The following MMS19 variants were observed in gnomAD, a reference collection of about 807,000 sequenced individuals.
MMS19 encodes the protein MMS19 nucleotide excision repair protein homolog.
Under a neutral mutation model 129.8 loss-of-function variants are expected in MMS19, and 77 were observed. That is an observed-to-expected ratio of 0.59 (90% CI 0.49 to 0.72). MMS19 has a LOEUF of 0.72. Ranked by LOEUF, MMS19 falls within the 30% of genes least tolerant of loss-of-function variation. The probability of loss-of-function intolerance (pLI) is 0.00; values close to 1 mark genes in which losing one functional copy is unlikely to be tolerated. For synonymous variants in MMS19, 491 were observed against 502.8 expected, an observed-to-expected ratio of 0.98 and a Z score of 0.31; for missense variants, 1,168 against 1,266.3, an observed-to-expected ratio of 0.92 and a Z score of 1.18.
intron 2 of MMS19, among the ~76,000 whole-genome samples, chr10:97,482,735 T>TACACACACACACAC (rs1442208641): frequency 7.3e-6 from 1 of 137,864 alleles, no homozygotes; most frequent in African/African-American, 2.7e-5. Flanking sequence ...TGTGTATATA[T>TACACACACACACAC]ATACACACAC....
At chr10:97,483,989 G>A (rs1297974494) in intron 2 of MMS19, 114 bp downstream of exon 2, 2 of 679,268 alleles carry the variant, frequency 2.9e-6, no homozygotes, top group Non-Finnish European at 5.2e-6. Flanking sequence ...ATGGAAGGGG[G>A]CTGCTGGGCT....
At chr10:97,460,613 G>A in intron 25 of MMS19, 82 bp downstream of exon 25, 3 of 1,137,748 alleles carry the variant, frequency 2.6e-6, no homozygotes, top group South Asian at 1.3e-5. Flanking sequence ...ACACAGGGGA[G>A]GATGGAAGTC....
intron 8 of MMS19, among the ~76,000 whole-genome samples, chr10:97,471,390 GA>G (rs769302989): frequency 6.6e-6 from 1 of 151,988 alleles, no homozygotes; most frequent in Non-Finnish European, 1.5e-5. Flanking sequence ...CTGTAATTCT[GA>G]AAACAGAAAG....
rs751461315 is a variant in MMS19 at position 97,462,677 on chromosome 10, CCTT to C, written c.1915_1917del (p.Lys639del). 2 of 1,612,894 alleles carry C rather than the reference CCTT, an allele frequency of 1.2e-6. No homozygotes were observed. Among genetic ancestry groups the C allele is most frequent in the East Asian group, 2.2e-5 (1 of 44,878 alleles). On this transcript the variant is annotated inframe_deletion and splice_region_variant, in exon 20 of 31. Coordinates refer to ENST00000438925, the MANE Select transcript of MMS19 (RefSeq NM_022362.5). ...AGTACTTTTCTCAGAACTGAGGGCT[CCTT>C]CTCTGCAAAACACACACACATGCAC...
At chr10:97,498,523 A>G, upstream of MMS19, 1 of 1,247,338 alleles carries the variant, frequency 8.0e-7, no homozygotes, top group Non-Finnish European at 1.1e-6. Flanking sequence ...GCTTCTGCCT[A>G]GGCAGTTCCA....
intron 8 of MMS19, among the ~76,000 whole-genome samples, chr10:97,471,748 T>C (rs1368922734): frequency 6.6e-6 from 1 of 152,204 alleles, no homozygotes; most frequent in East Asian, 1.9e-4. Context: ...TGACCTCGAA[T>C]GATCCACCCA....
At chr10:97,492,499 G>C (rs186633148) in intron 1 of MMS19, among the ~76,000 whole-genome samples, 1 of 150,688 alleles carries the variant, frequency 6.6e-6, no homozygotes, top group East Asian at 2.0e-4. Flanking sequence ...AGAAAAGAAA[G>C]AAAAAATTAG....
At chr10:97,462,199 T>C (rs1397383101) in intron 20 of MMS19, 80 bp from the exon 21 acceptor site, 3 of 1,016,114 alleles carry the variant, frequency 3.0e-6, no homozygotes, top group South Asian at 2.8e-5. Context: ...CTTTTCAACC[T>C]AGGGTTTGAA....
intron 16 of MMS19, 22 bp from the exon 17 acceptor site, chr10:97,466,181 G>T: frequency 1.3e-6 from 2 of 1,544,974 alleles, no homozygotes; most frequent in South Asian, 1.2e-5. Context: ...GAGCAGATAA[G>T]CATTGGCTGA....
At chr10:97,461,341 CT>C (rs2031843079) in intron 23 of MMS19, 154 bp downstream of exon 23, 2 of 913,364 alleles carry the variant, frequency 2.2e-6, no homozygotes, top group East Asian at 2.7e-5. Flanking sequence ...GGTCTTGACG[CT>C]TTTCCCACGG....
At chr10:97,488,674 A>G (rs1362562573) in intron 1 of MMS19, among the ~76,000 whole-genome samples, 1 of 152,252 alleles carries the variant, frequency 6.6e-6, no homozygotes, top group African/African-American at 2.4e-5. Context: ...GAATAATGAC[A>G]GGAAAAAAGT....
Position 97,468,420 on chromosome 10 carries a change from A to C in MMS19, c.1064-14T>G. The C allele has an allele frequency of 6.3e-7, 1 of 1,591,174 alleles. No individual in the cohort carries two copies. The highest frequency in any genetic ancestry group is 8.6e-7 in the Non-Finnish European group (1 of 1,164,582). On this transcript the variant is annotated splice_polypyrimidine_tract_variant and intron_variant, in intron 12 of 30. Transcript: ENST00000438925. The stretch of plus-strand genomic sequence containing the variant: ...GGTGCCTGCAGTCTAGAGAAGCAGC[A>C]CATCACAGAGCTGGGGAGGAGGCCA...
intron 1 of MMS19, among the ~76,000 whole-genome samples, chr10:97,496,512 A>C (rs1481247119): frequency 3.0e-5 from 1 of 33,428 alleles, no homozygotes; most frequent in African/African-American, 1.5e-4. Flanking sequence ...ACCTTGTCTC[A>C]AAAAAAAAAA....
Position 97,465,949 on chromosome 10 carries a change from A to G in MMS19, c.1612T>C (p.Ser538Pro). 1.2e-6 allele frequency: 2 copies of G among 1,613,224 alleles called. No individual in the cohort carries two copies. Among genetic ancestry groups the G allele is most frequent in the Non-Finnish European group, 1.7e-6 (2 of 1,179,692 alleles). The change falls in exon 18 of 31, where the codon TCA becomes CCA. Residue 538 changes from serine (S) to proline (P), a missense_variant. Ser to Pro is a moderately conservative substitution (Grantham distance 74, BLOSUM62 -1). Coordinates refer to ENST00000438925, the MANE Select transcript of MMS19 (RefSeq NM_022362.5). ...GGCTCATCTCCGTTAGTCAAATTTG[A>G]CTCCCCTGAAAGCAACCCATGAGAC... ...KLAEELRVGE[S>P]NLTNGDEPTQ...
chr10:97,461,133 T>C (rs905648004), intron 23 of MMS19, 126 bp from the exon 24 acceptor site: 9 of 801,652 alleles, frequency 1.1e-5, no homozygotes, highest in Non-Finnish European at 1.8e-5. Context: ...CATTTTTGCC[T>C]GTGGACAAAA....
intron 17 of MMS19, 35 bp from the exon 18 acceptor site, chr10:97,465,989 T>G: frequency 6.2e-7 from 1 of 1,612,804 alleles, no homozygotes; most frequent in Admixed American, 1.7e-5. Flanking sequence ...GTTTACTGTG[T>G]GATAGGAAGC....
chr10:97,462,754 TCAG>T, intron 19 of MMS19, 72 bp from the exon 20 acceptor site: 1 of 1,181,406 alleles, frequency 8.5e-7, no homozygotes, highest in Non-Finnish European at 1.3e-6. Context: ...TTGGGTTCTG[TCAG>T]CATCACTGAC....
chr10:97,466,657 T>C, intron 15 of MMS19, 72 bp from the exon 16 acceptor site: 1 of 1,585,986 alleles, frequency 6.3e-7, no homozygotes, highest in Non-Finnish European at 8.7e-7. Flanking sequence ...AAGCTCTTAT[T>C]AGAAATCCCA....
In MMS19 at chr10:97,478,173, T is replaced by C. The variant is rs900415528; in HGVS notation, c.348+131A>G. The C allele has an allele frequency of 7.2e-5, 53 of 736,354 alleles. No individual in the cohort carries two copies. The Middle Eastern group carries it at 1.0e-3, about 14-fold the overall frequency. The allele number at this position is 736,354 out of a possible 1,614,324, so 45.6% of individuals were successfully genotyped here. ...AGAGGGAAAACGGAAGTAGAGCTGG[T>C]AACACTAATTTAGTCCCACACTTGG... On this transcript the variant is annotated intron_variant, in intron 4 of 30. Transcript: ENST00000438925.
Sources: gnomAD v4.1 joint callset for allele counts (sites outside exome capture counted in the v4.1 genomes callset) on GRCh38, gnomAD v4.1.1 for gene constraint, MANE v1.5 for transcripts, NCBI Gene and HGNC (gene_info 2026-07-23, HGNC 2026-07-21) for gene names.